Variants in ZNF451 observed in about 807,000 individuals in gnomAD.
ZNF451 encodes the protein E3 SUMO-protein ligase ZNF451.
ZNF451 carries 80 observed loss-of-function variants against 107.1 expected under a neutral mutation model. The observed-to-expected ratio is 0.75, with a 90% confidence interval of 0.62 to 0.90. The LOEUF (loss-of-function observed/expected upper bound fraction) is 0.90. Among genes scored for constraint, ZNF451 ranks in the 40% least tolerant of loss-of-function variants. ZNF451 has a pLI of 0.00. For missense variants in ZNF451, 1,107 were observed against 1,236.2 expected (o/e 0.90, Z 1.57); for synonymous variants, 362 against 406.5 (o/e 0.89, Z 1.32).
intron 9 of ZNF451, among the ~76,000 whole-genome samples, chr6:57,143,284 TG>T (rs897290489): frequency 2.0e-5 from 3 of 152,154 alleles, no homozygotes; most frequent in Admixed American, 2.0e-4. Context: ...TGCCTCTTCT[TG>T]CTTAAAGAAT....
rs144065110 is a variant in ZNF451 at position 57,134,759 on chromosome 6, A to G, written c.591A>G (p.Pro197=). 2 of 1,613,068 alleles carry G rather than the reference A, an allele frequency of 1.2e-6. No individual in the cohort carries two copies. Among genetic ancestry groups the G allele is most frequent in the African/African-American group, 2.7e-5 (2 of 74,922 alleles). The part of the protein sequence containing the change: ...LGHLKRFDHS[P]CDPTITLHGP... Reference sequence around the variant, plus strand: ...TGCTGAGTAGGTTCGATCACTCTCCATGTGATCCAACAATTACACTACATG... The same window carrying G: ...TGCTGAGTAGGTTCGATCACTCTCCGTGTGATCCAACAATTACACTACATG... The change falls in exon 7 of 15, where the codon CCA becomes CCG. Residue 197 remains proline, a synonymous_variant. Transcript: ENST00000370706.
At chr6:57,103,175 C>T in intron 3 of ZNF451, 4 of 985,440 alleles carry the variant, frequency 4.1e-6, no homozygotes, top group Non-Finnish European at 4.8e-6. Flanking sequence ...GCCTGACAAT[C>T]TTGTCCCCTT....
chr6:57,138,727 ATATATATATATATATG>A (rs1444592247), intron 7 of ZNF451, among the ~76,000 whole-genome samples: 3 of 114,684 alleles, frequency 2.6e-5, no homozygotes, highest in African/African-American at 9.8e-5. Context: ...ATATATATAT[ATATATATATATATATG>A]TGTGTGTGTG....
intron 3 of ZNF451, chr6:57,106,375 T>A (rs1216642752): frequency 1.1e-6 from 1 of 899,024 alleles, no homozygotes; most frequent in Non-Finnish European, 1.3e-6. Context: ...AATGGCACGA[T>A]CTTGGCTGAC....
chr6:57,096,951 G>A (rs1288437868), intron 2 of ZNF451, among the ~76,000 whole-genome samples: 1 of 151,318 alleles, frequency 6.6e-6, no homozygotes, highest in Non-Finnish European at 1.5e-5. Context: ...CCTATTTTTA[G>A]TGGAGACAGG....
rs759833435 is a variant in ZNF451, at chr6:57,124,817, A to G, written c.270A>G (p.Glu90=). Reference sequence around the variant, plus strand: ...TGGCTCGTCTAGCCCGCCATGTTGAAGTGGAGAAACAGCAGAAAGAAGAGA... The same window carrying G: ...TGGCTCGTCTAGCCCGCCATGTTGAGGTGGAGAAACAGCAGAAAGAAGAGA... ...LTLARLARHV[E]VEKQQKEEKN... is the part of the protein sequence containing the mutation. The change falls in exon 4 of 15, where the codon GAA becomes GAG. Residue 90 remains glutamate, a synonymous_variant. Coordinates refer to ENST00000370706, the MANE Select transcript of ZNF451 (RefSeq NM_001031623.3). The G allele has an allele frequency of 6.2e-7, 1 of 1,611,834 alleles. No individual in the cohort carries two copies. Among genetic ancestry groups the G allele is most frequent in the East Asian group, 2.2e-5 (1 of 44,796 alleles).
chr6:57,161,515 T>C (rs1763674006), intron 14 of ZNF451, among the ~76,000 whole-genome samples: 1 of 151,956 alleles, frequency 6.6e-6, no homozygotes, highest in Admixed American at 6.6e-5. Context: ...ATAATTATTT[T>C]CTAACCCTTT....
Position 57,147,875 on chromosome 6 carries a change from C to T in ZNF451, c.1790C>T (p.Pro597Leu), listed in dbSNP as rs149876604. The change falls in exon 10 of 15, where the codon CCG becomes CTG. Residue 597 changes from proline (P) to leucine (L), a missense_variant. By Grantham distance (98) the Pro-to-Leu change is moderately conservative (BLOSUM62 -3). Coordinates refer to ENST00000370706, the MANE Select transcript of ZNF451 (RefSeq NM_001031623.3). ...GCTATTACTGTTATTGATCATTCCCCGGCAAATAGTTCTCCGAGGGGTAAA... is the reference window on the plus strand; with the variant it reads ...GCTATTACTGTTATTGATCATTCCCTGGCAAATAGTTCTCCGAGGGGTAAA... ...SSAITVIDHS[P>L]ANSSPRGKWQ... The T allele has an allele frequency of 4.3e-3, 6,901 of 1,614,086 alleles. 25 individuals carry two copies. Among genetic ancestry groups the T allele is most frequent in the Non-Finnish European group, 5.3e-3 (6,283 of 1,179,970 alleles).
chr6:57,096,161 CCTTT>C (rs1225921681), intron 2 of ZNF451, among the ~76,000 whole-genome samples: 51 of 145,130 alleles, frequency 3.5e-4, no homozygotes, highest in Non-Finnish European at 4.5e-4. Flanking sequence ...TTTCTTTCTT[CCTTT>C]CTTTCTTTCT....
At chr6:57,109,768 G>C (rs1375547544) in intron 3 of ZNF451, 1 of 886,608 alleles carries the variant, frequency 1.1e-6, no homozygotes, top group Non-Finnish European at 1.4e-6. Flanking sequence ...AATAAAATAA[G>C]AGAATGTAGA....
intron 3 of ZNF451, 84 bp from the exon 4 acceptor site, chr6:57,124,650 G>T: frequency 1.0e-6 from 1 of 983,232 alleles, no homozygotes; most frequent in Non-Finnish European, 1.6e-6. Context: ...TGGTTCTTTA[G>T]TATAGTAGCT....
chr6:57,163,468 T>TTTTTTTTTTTA, intron 14 of ZNF451, among the ~76,000 whole-genome samples: 1 of 107,540 alleles, frequency 9.3e-6, no homozygotes. Context: ...TTTTTTTTTT[T>TTTTTTTTTTTA]GAGACGGAGT....
chr6:57,099,178 G>A (rs372936400), intron 3 of ZNF451, 37 bp downstream of exon 3: 38 of 1,501,298 alleles, frequency 2.5e-5, no homozygotes, highest in Admixed American at 5.1e-5. Flanking sequence ...TTCTTCACTT[G>A]TGTCTTTTAA....
intron 7 of ZNF451, among the ~76,000 whole-genome samples, chr6:57,138,741 A>ATATATATATATGTGTGTGTGTG (rs1365084616): frequency 2.1e-5 from 1 of 46,600 alleles, no homozygotes; most frequent in African/African-American, 9.2e-5. Context: ...ATATATATAT[A>ATATATATATATGTGTGTGTGTG]TGTGTGTGTG....
chr6:57,123,535 C>G (rs1830746648), intron 3 of ZNF451, among the ~76,000 whole-genome samples: 1 of 151,916 alleles, frequency 6.6e-6, no homozygotes, highest in Non-Finnish European at 1.5e-5. Context: ...GGTAGGGGGA[C>G]AAGGGCTGAA....
At position 57,150,713 on chromosome 6, in the gene ZNF451, T is replaced by C. The variant is rs968514973; in HGVS notation, c.2609-6T>C. On this transcript the variant is annotated splice_polypyrimidine_tract_variant and splice_region_variant and intron_variant, in intron 10 of 14. Transcript: ENST00000370706. ...TGAACTCATGTTGATATTTCTCTCTTCTCAGAGGAAGAAATTGTTGAGCTT... is the reference window on the plus strand; with the variant it reads ...TGAACTCATGTTGATATTTCTCTCTCCTCAGAGGAAGAAATTGTTGAGCTT... 14 of 1,597,478 alleles carry C rather than the reference T, an allele frequency of 8.8e-6. No individual in the cohort carries two copies. Among genetic ancestry groups the C allele is most frequent in the African/African-American group, 1.4e-5 (1 of 74,032 alleles).
chr6:57,097,139 A>G (rs1829367189), intron 2 of ZNF451, among the ~76,000 whole-genome samples: 1 of 152,122 alleles, frequency 6.6e-6, no homozygotes, highest in African/African-American at 2.4e-5. Flanking sequence ...ATTGGAGAGT[A>G]TTGCTTCCTC....
intron 3 of ZNF451, among the ~76,000 whole-genome samples, chr6:57,112,306 G>A (rs540624580): frequency 6.6e-6 from 1 of 152,310 alleles, no homozygotes; most frequent in East Asian, 1.9e-4. Flanking sequence ...TTTGTTGCAG[G>A]AATTCTGTTC....
At chr6:57,135,266 A>G (rs549630713) in intron 7 of ZNF451, among the ~76,000 whole-genome samples, 4 of 152,274 alleles carry the variant, frequency 2.6e-5, no homozygotes, top group African/African-American at 7.2e-5. Context: ...GAGGAATATA[A>G]CTAGTATTTA....
Sources: allele counts gnomAD v4.1 joint callset (sites outside exome capture counted in the v4.1 genomes callset), GRCh38; gene constraint gnomAD v4.1.1; transcripts MANE v1.5; gene names NCBI Gene and HGNC (gene_info 2026-07-23, HGNC 2026-07-21).